The following CMTM8 variants were observed in gnomAD, a reference collection of about 807,000 sequenced individuals.
CMTM8 encodes CKLF-like MARVEL transmembrane domain-containing protein 8.
Under a neutral mutation model 18.6 loss-of-function variants are expected in CMTM8, and 12 were observed. The observed-to-expected ratio is 0.65, with a 90% CI of 0.41 to 1.05. The LOEUF is 1.05. Among genes scored for constraint, CMTM8 ranks in the 50% least tolerant of loss-of-function variants. The pLI is 0.00. For missense variants in CMTM8, 217 were observed against 227.2 expected, an observed-to-expected ratio of 0.95 and a Z score of 0.29; for synonymous variants, 87 against 90.6, an observed-to-expected ratio of 0.96 and a Z score of 0.23.
intron 1 of CMTM8, among the ~76,000 whole-genome samples, chr3:32,289,340 T>C (rs1463988312): frequency 6.6e-6 from 1 of 152,222 alleles, no homozygotes; most frequent in Admixed American, 6.5e-5. Flanking sequence ...GGCCTCAAGT[T>C]TGAGAATGAA....
chr3:32,348,529 C>CTTTTTTTTTTTTTTTTTTTTTTTTTTT, intron 1 of CMTM8, among the ~76,000 whole-genome samples: 1 of 102,036 alleles, frequency 9.8e-6, no homozygotes, highest in Non-Finnish European at 1.9e-5. Context: ...CTTCCTGGAA[C>CTTTTTTTTTTTTTTTTTTTTTTTTTTT]TTTTTTTTTT....
intron 1 of CMTM8, among the ~76,000 whole-genome samples, chr3:32,244,920 G>C (rs1185016820): frequency 6.6e-6 from 1 of 152,170 alleles, no homozygotes; most frequent in African/African-American, 2.4e-5. Context: ...GGTTGAAACT[G>C]TCATCAGTAG....
chr3:32,276,876 G>A (rs905783217), intron 1 of CMTM8, among the ~76,000 whole-genome samples: 5 of 151,460 alleles, frequency 3.3e-5, no homozygotes, highest in African/African-American at 1.2e-4. Context: ...CTAATATCTA[G>A]CCCTGTCTCC....
chr3:32,244,377 G>A (rs1701984344), intron 1 of CMTM8, among the ~76,000 whole-genome samples: 1 of 152,128 alleles, frequency 6.6e-6, no homozygotes, highest in Non-Finnish European at 1.5e-5. Flanking sequence ...TAGAAACGGG[G>A]GTCTCACTGT....
At chr3:32,338,131 G>A (rs1559383607) in intron 1 of CMTM8, among the ~76,000 whole-genome samples, 1 of 151,950 alleles carries the variant, frequency 6.6e-6, no homozygotes, top group Non-Finnish European at 1.5e-5. Flanking sequence ...CTACAGGTGT[G>A]TGCCACCACG....
chr3:32,241,634 A>T (rs1701946841), intron 1 of CMTM8, among the ~76,000 whole-genome samples: 1 of 152,186 alleles, frequency 6.6e-6, no homozygotes, highest in Non-Finnish European at 1.5e-5. Flanking sequence ...GGCTAGGGGT[A>T]TTAAATGCAT....
At chr3:32,265,241 A>G (rs1454813007) in intron 1 of CMTM8, among the ~76,000 whole-genome samples, 2 of 152,254 alleles carry the variant, frequency 1.3e-5, no homozygotes, top group African/African-American at 2.4e-5. Context: ...AACAGAAATT[A>G]TAACAAACTG....
chr3:32,343,441 G>T (rs1696537060), intron 1 of CMTM8, among the ~76,000 whole-genome samples: 1 of 152,162 alleles, frequency 6.6e-6, no homozygotes, highest in African/African-American at 2.4e-5. Flanking sequence ...CATGTCACCA[G>T]CTGGGGTGTC....
At chr3:32,355,580 C>T (rs3853712) in intron 1 of CMTM8, among the ~76,000 whole-genome samples, 42,158 of 151,992 alleles carry the variant, frequency 0.28, 5,959 homozygotes, top group African/African-American at 0.31. Flanking sequence ...CACCACTGCT[C>T]CCCCTTTCCC....
intron 1 of CMTM8, among the ~76,000 whole-genome samples, chr3:32,330,227 G>A (rs936777040): frequency 2.2e-4 from 20 of 92,144 alleles, no homozygotes; most frequent in Admixed American, 4.8e-4. Context: ...TGCAGAAATA[G>A]AAAAAAAATC....
intron 1 of CMTM8, among the ~76,000 whole-genome samples, chr3:32,273,863 T>TA (rs1189439853): frequency 1.3e-5 from 2 of 152,014 alleles, no homozygotes; most frequent in Non-Finnish European, 2.9e-5. Context: ...TGAAGTGGTT[T>TA]TAAAAAAAGC....
chr3:32,239,138 G>T lies in CMTM8; in HGVS notation c.147+19G>T. 2 of 1,580,690 alleles carry T rather than the reference G, an allele frequency of 1.3e-6. No homozygotes were observed. The highest frequency in any genetic ancestry group is 2.3e-5 in the East Asian group (1 of 42,662). Reference sequence around the variant, plus strand: ...CGAGATCGTGAGTGCCGACGGGCCGGGGGTGGCGGGGGGCTCAGCTGGACC... The same window carrying T: ...CGAGATCGTGAGTGCCGACGGGCCGTGGGTGGCGGGGGGCTCAGCTGGACC... On this transcript the variant is annotated intron_variant, in intron 1 of 3. Transcript: ENST00000307526.
chr3:32,311,743 A>G (rs990471150), intron 1 of CMTM8, among the ~76,000 whole-genome samples: 3 of 152,202 alleles, frequency 2.0e-5, no homozygotes, highest in African/African-American at 4.8e-5. Flanking sequence ...AATCAATTCA[A>G]TTCTGACACT....
chr3:32,256,172 C>T (rs976622047), intron 1 of CMTM8, among the ~76,000 whole-genome samples: 1 of 152,152 alleles, frequency 6.6e-6, no homozygotes, highest in Non-Finnish European at 1.5e-5. Flanking sequence ...AAACATGGCT[C>T]AATGCAGCCT....
chr3:32,284,724 C>T (rs1702652956), intron 1 of CMTM8, among the ~76,000 whole-genome samples: 1 of 152,174 alleles, frequency 6.6e-6, no homozygotes, highest in Non-Finnish European at 1.5e-5. Context: ...AAATATTTTA[C>T]TGTATAAATG....
rs1696861105 is a variant in CMTM8, at chr3:32,358,513, T to C, written c.321+967T>C. 6.6e-6 allele frequency among the ~76,000 whole-genome samples: 1 copy of C among 152,244 alleles called. No individual in the cohort carries two copies. The highest frequency in any genetic ancestry group is 2.1e-4 in the South Asian group (1 of 4,836). ...TATTTAGTTCCAAATAACTGACTTA[T>C]GAACCAAATTTGAAATATAGTCTAT... is the stretch of plus-strand genomic sequence containing the variant. On this transcript the variant is annotated intron_variant, in intron 2 of 3. Transcript: ENST00000307526. The surrounding 1 kb of genome is among the most constrained non-coding windows in gnomAD (Gnocchi z 4.1).
At chr3:32,352,887 T>C (rs1039400451) in intron 1 of CMTM8, among the ~76,000 whole-genome samples, 1 of 151,754 alleles carries the variant, frequency 6.6e-6, no homozygotes, top group African/African-American at 2.4e-5. Context: ...TTTTTTTTTT[T>C]TTAATCAGGT....
At chr3:32,368,514 G>C (rs1347322685) in intron 3 of CMTM8, among the ~76,000 whole-genome samples, 1 of 147,662 alleles carries the variant, frequency 6.8e-6, no homozygotes, top group Non-Finnish European at 1.5e-5. Context: ...AGGCTGGAGT[G>C]CAGTGGCATA....
At chr3:32,300,739 A>G (rs1224538476) in intron 1 of CMTM8, among the ~76,000 whole-genome samples, 1 of 152,090 alleles carries the variant, frequency 6.6e-6, no homozygotes, top group Admixed American at 6.6e-5. Flanking sequence ...TGGGTGGATC[A>G]CCTGAGGTCG....
Sources: allele counts gnomAD v4.1 joint callset (sites outside exome capture counted in the v4.1 genomes callset), GRCh38; gene constraint gnomAD v4.1.1; non-coding constraint Gnocchi (gnomAD v3.1); transcripts MANE v1.5; gene names NCBI Gene and HGNC (gene_info 2026-07-23, HGNC 2026-07-21).